TGFBR2: variants seen among roughly 807,000 people sequenced by gnomAD.
The protein encoded by TGFBR2 is transforming growth factor beta receptor 2.
A neutral mutation model predicts 49.0 loss-of-function variants in TGFBR2; 18 were observed. That is an observed-to-expected ratio of 0.37 (90% CI 0.25 to 0.54). TGFBR2 has a LOEUF of 0.54. Ranked by LOEUF, TGFBR2 falls within the 20% of genes least tolerant of loss-of-function variation. The pLI, the probability that TGFBR2 is intolerant of heterozygous loss-of-function variation, is 0.85. For synonymous variants in TGFBR2, 282 were observed against 275.9 expected (o/e 1.02, Z -0.22); for missense variants, 525 against 722.6 (o/e 0.73, Z 3.13).
chr3:30,671,872 C>T lies in TGFBR2; in HGVS notation c.689C>T (p.Thr230Met), dbSNP rs150116445. 9.3e-6 allele frequency: 15 copies of T among 1,614,230 alleles called. No individual in the cohort carries two copies. In the African/African-American group the frequency reaches 1.6e-4, roughly 17 times the overall value. ...GATGACCGCTCTGACATCAGCTCCA[C>T]GTGTGCCAACAACATCAACCACAAC... ...LEDDRSDISS[T>M]CANNINHNTE... Residue 230 changes from threonine (T) to methionine (M), a missense_variant, in exon 4 of 7, where the codon ACG becomes ATG. Around this residue, in one of 3 missense-constraint regions of TGFBR2, gnomAD observed 376 missense variants for 478.2 expected, o/e 0.79. Coordinates refer to ENST00000295754, the MANE Select transcript of TGFBR2 (RefSeq NM_003242.6).
At chr3:30,610,275 A>G (rs1698004304) in intron 1 of TGFBR2, among the ~76,000 whole-genome samples, 2 of 152,144 alleles carry the variant, frequency 1.3e-5, no homozygotes, top group African/African-American at 2.4e-5. Flanking sequence ...ATTTGAAAGC[A>G]TTATGGAATA....
chr3:30,616,766 G>C (rs886832819), intron 1 of TGFBR2, among the ~76,000 whole-genome samples: 1 of 151,974 alleles, frequency 6.6e-6, no homozygotes, highest in African/African-American at 2.4e-5. Context: ...GGTGTTCATT[G>C]GAGATGACTA....
chr3:30,685,666 C>T (rs1264454839), intron 5 of TGFBR2, among the ~76,000 whole-genome samples: 3 of 152,228 alleles, frequency 2.0e-5, no homozygotes, highest in South Asian at 2.1e-4. Context: ...AATTTGTCAT[C>T]GGCTATACGC....
intron 1 of TGFBR2, among the ~76,000 whole-genome samples, chr3:30,628,779 G>A (rs1410736522): frequency 1.3e-5 from 2 of 152,038 alleles, no homozygotes; most frequent in Non-Finnish European, 2.9e-5. Context: ...TCAGCTTGTT[G>A]CAAACCTAGT....
At chr3:30,610,949 A>G (rs549512915) in intron 1 of TGFBR2, among the ~76,000 whole-genome samples, 1 of 152,158 alleles carries the variant, frequency 6.6e-6, no homozygotes, top group African/African-American at 2.4e-5. Flanking sequence ...GATGTCTGGA[A>G]CTCCTGCTAC....
intron 1 of TGFBR2, among the ~76,000 whole-genome samples, chr3:30,628,537 T>G (rs1030889697): frequency 3.4e-5 from 5 of 147,290 alleles, no homozygotes; most frequent in African/African-American, 1.0e-4. Flanking sequence ...GGTTTTTTTT[T>G]TTTTTTTTTT....
intron 5 of TGFBR2, among the ~76,000 whole-genome samples, chr3:30,687,873 T>G (rs1443566553): frequency 6.6e-6 from 1 of 152,244 alleles, no homozygotes; most frequent in Non-Finnish European, 1.5e-5. Flanking sequence ...CTTAGCATAA[T>G]GTCTTCAAGA....
chr3:30,656,263 T>C lies in TGFBR2; in HGVS notation c.454+5803T>C, dbSNP rs115536037. ...GTGACAATAGTTTATTTTTTAAATA[T>C]ACTCCACAAATGTTGTTCTGGTGTG... On this transcript the variant is annotated intron_variant, in intron 3 of 6. Transcript: ENST00000295754. 1.6e-3 allele frequency among the ~76,000 whole-genome samples: 245 copies of C among 152,364 alleles called. 2 individuals carry two copies. The highest frequency in any genetic ancestry group is 5.7e-3 in the African/African-American group (237 of 41,586).
At chr3:30,630,224 A>G (rs530987217) in intron 1 of TGFBR2, among the ~76,000 whole-genome samples, 2 of 152,318 alleles carry the variant, frequency 1.3e-5, no homozygotes, top group African/African-American at 4.8e-5. Flanking sequence ...TCACCCCAGA[A>G]TGAGATAGGT....
At chr3:30,606,433 A>T (rs909397061), upstream of TGFBR2, 2 of 233,018 alleles carry the variant, frequency 8.6e-6, no homozygotes, top group Non-Finnish European at 1.7e-5. Context: ...AAGTCGGCCA[A>T]AGCTCTCGGA....
intron 5 of TGFBR2, among the ~76,000 whole-genome samples, chr3:30,684,056 C>T (rs1335179672): frequency 2.6e-5 from 4 of 152,160 alleles, no homozygotes; most frequent in Non-Finnish European, 4.4e-5. Flanking sequence ...AAGAAATGCC[C>T]TCCAGGAGGG....
At chr3:30,641,970 T>C (rs559846429) in intron 1 of TGFBR2, among the ~76,000 whole-genome samples, 24 of 152,100 alleles carry the variant, frequency 1.6e-4, no homozygotes, top group Middle Eastern at 3.4e-3. Context: ...CTTCTAATGG[T>C]CCTTTTTTCT....
intron 1 of TGFBR2, among the ~76,000 whole-genome samples, chr3:30,610,653 C>T (rs939635279): frequency 2.0e-5 from 3 of 152,138 alleles, no homozygotes; most frequent in African/African-American, 4.8e-5. Flanking sequence ...TACTAGTCAT[C>T]CCTGGTCTCA....
intron 1 of TGFBR2, among the ~76,000 whole-genome samples, chr3:30,620,135 C>T (rs563429911): frequency 3.9e-5 from 6 of 152,202 alleles, no homozygotes; most frequent in East Asian, 1.9e-4. Context: ...TGCAGTGAGC[C>T]GAGATCGCGC....
chr3:30,691,304 C>A, intron 6 of TGFBR2, 116 bp from the exon 7 acceptor site: 1 of 1,146,058 alleles, frequency 8.7e-7, no homozygotes, highest in Non-Finnish European at 1.3e-6. Context: ...ATGTTAAATG[C>A]ACAGGCACTT....
intron 3 of TGFBR2, chr3:30,661,649 G>A (rs754938885): frequency 2.0e-6 from 1 of 494,122 alleles, no homozygotes; most frequent in Non-Finnish European, 4.0e-6. Context: ...GGTGAGTTAA[G>A]GTCATTTTGA....
intron 1 of TGFBR2, among the ~76,000 whole-genome samples, chr3:30,611,906 C>T (rs1057429031): frequency 2.0e-5 from 3 of 152,206 alleles, no homozygotes; most frequent in South Asian, 2.1e-4. Context: ...TTGTTAGCTT[C>T]TACCCTCCAG....
chr3:30,641,482 G>A (rs937214126), intron 1 of TGFBR2, among the ~76,000 whole-genome samples: 1 of 152,072 alleles, frequency 6.6e-6, no homozygotes, highest in Non-Finnish European at 1.5e-5. Context: ...ATAGGGAGTC[G>A]ATGGCTGGTG....
chr3:30,686,000 T>C (rs1366929484), intron 5 of TGFBR2, among the ~76,000 whole-genome samples: 1 of 152,220 alleles, frequency 6.6e-6, no homozygotes, highest in Non-Finnish European at 1.5e-5. Flanking sequence ...GGGGGCATCA[T>C]ATTTGATTAG....
Sources: gnomAD v4.1 joint callset for allele counts (sites outside exome capture counted in the v4.1 genomes callset) on GRCh38, gnomAD v4.1.1 for gene constraint, gnomAD v4.1.1 regional missense constraint, MANE v1.5 for transcripts, NCBI Gene and HGNC (gene_info 2026-07-23, HGNC 2026-07-21) for gene names.